The following SND1 variants were observed in gnomAD, a reference collection of about 807,000 sequenced individuals.
The protein encoded by SND1 is staphylococcal nuclease domain-containing protein 1.
Under a neutral mutation model 121.7 loss-of-function variants are expected in SND1, and 38 were observed. The observed-to-expected ratio is 0.31, with a 90% CI of 0.24 to 0.41. The LOEUF (loss-of-function observed/expected upper bound fraction) is 0.41, where lower values mean the gene tolerates loss of function less well. Ranked by LOEUF, SND1 falls within the 10% of genes least tolerant of loss-of-function variation. The pLI is 1.00. For missense variants in SND1, 868 were observed against 1,184.6 expected, an observed-to-expected ratio of 0.73 and a Z score of 3.92; for synonymous variants, 401 against 447.4, an observed-to-expected ratio of 0.90 and a Z score of 1.31.
chr7:127,956,029 G>A (rs1023418117), intron 15 of SND1, among the ~76,000 whole-genome samples: 2 of 152,152 alleles, frequency 1.3e-5, no homozygotes, highest in Admixed American at 1.3e-4. Context: ...AATGCCTGTT[G>A]CCTTCTCTCT....
intron 14 of SND1, among the ~76,000 whole-genome samples, chr7:127,917,630 C>T (rs755992318): frequency 1.3e-5 from 2 of 152,140 alleles, no homozygotes; most frequent in African/African-American, 2.4e-5. Context: ...GCTATGTTGC[C>T]AGAGCTGATT....
chr7:128,053,922 AT>A lies in SND1; in HGVS notation c.1780-20578del, dbSNP rs548424760. 3.3e-3 allele frequency among the ~76,000 whole-genome samples: 502 copies of A among 152,256 alleles called. 5 individuals carry two copies. The highest frequency in any genetic ancestry group is 0.012 in the African/African-American group (482 of 41,530). On this transcript the variant is annotated intron_variant, in intron 16 of 23. Transcript: ENST00000354725. Reference sequence around the variant, plus strand: ...TGTGGAGTGCAGCAGTCAAAGCTTTATTGCCCACACACTGGAGCCGCTCTGC... The same window carrying A: ...TGTGGAGTGCAGCAGTCAAAGCTTTATGCCCACACACTGGAGCCGCTCTGC...
intron 13 of SND1, 55 bp from the exon 14 acceptor site, chr7:127,904,692 A>T: frequency 8.2e-7 from 1 of 1,226,536 alleles, no homozygotes; most frequent in Non-Finnish European, 1.2e-6. Flanking sequence ...GCACCCTCCT[A>T]CCCCTTCCCA....
In SND1 at chr7:127,877,833, T is replaced by C. The variant is rs115419086; in HGVS notation, c.1344-10069T>C. 7.9e-3 allele frequency among the ~76,000 whole-genome samples: 1,209 copies of C among 152,214 alleles called. 18 individuals carry two copies. The highest frequency in any genetic ancestry group is 0.027 in the African/African-American group (1,128 of 41,558). On this transcript the variant is annotated intron_variant, in intron 12 of 23. Transcript: ENST00000354725. ...CTCAGTGAGATGTGGCCTCTGAAGC[T>C]GGAGAGGTGTTTGTCAGGGCTCAAA...
chr7:127,982,354 G>T (rs868004584), intron 15 of SND1, among the ~76,000 whole-genome samples: 1 of 152,170 alleles, frequency 6.6e-6, no homozygotes, highest in African/African-American at 2.4e-5. Flanking sequence ...AAAAATTGGA[G>T]CTGTGACTAA....
At chr7:127,901,467 A>G (rs1800229325) in intron 13 of SND1, among the ~76,000 whole-genome samples, 1 of 152,168 alleles carries the variant, frequency 6.6e-6, no homozygotes, top group Non-Finnish European at 1.5e-5. Flanking sequence ...CTCACTCAGC[A>G]TCGTTCCTGC....
intron 16 of SND1, among the ~76,000 whole-genome samples, chr7:128,049,542 C>T (rs998757997): frequency 6.6e-6 from 1 of 152,136 alleles, no homozygotes; most frequent in Admixed American, 6.5e-5. Flanking sequence ...CCCCAAGCAC[C>T]ACCTGTCATT....
chr7:127,864,902 T>A (rs1799441623), intron 12 of SND1, among the ~76,000 whole-genome samples: 1 of 152,164 alleles, frequency 6.6e-6, no homozygotes, highest in Non-Finnish European at 1.5e-5. Context: ...ACCAGATCCA[T>A]CACCAGGAGA....
At chr7:128,089,805 G>C (rs1793747512) in intron 22 of SND1, 113 bp downstream of exon 22, 1 of 972,532 alleles carries the variant, frequency 1.0e-6, no homozygotes. Context: ...TGTTCCTGCT[G>C]AGGAAAGATA....
intron 12 of SND1, chr7:127,857,758 G>T: frequency 1.6e-6 from 1 of 629,020 alleles, no homozygotes; most frequent in Non-Finnish European, 2.9e-6. Flanking sequence ...CTGAAAAATG[G>T]CCTCCAACTT....
intron 15 of SND1, among the ~76,000 whole-genome samples, chr7:127,962,004 A>G (rs1469075364): frequency 4.6e-5 from 7 of 152,204 alleles, no homozygotes; most frequent in Non-Finnish European, 1.0e-4. Context: ...TCCTAAGATC[A>G]TATTGCACAA....
chr7:127,849,905 C>T (rs866044052), intron 12 of SND1, among the ~76,000 whole-genome samples: 3 of 152,258 alleles, frequency 2.0e-5, no homozygotes, highest in Non-Finnish European at 2.9e-5. Context: ...TGTGGGGGCT[C>T]GGGACATCTT....
At chr7:127,937,187 G>C (rs1000622480) in intron 15 of SND1, among the ~76,000 whole-genome samples, 2 of 152,166 alleles carry the variant, frequency 1.3e-5, no homozygotes, top group Non-Finnish European at 2.9e-5. Context: ...TGTTAAAGGT[G>C]GTACCGCAGT....
At chr7:127,751,050 A>G (rs1342544155) in intron 10 of SND1, among the ~76,000 whole-genome samples, 1 of 152,144 alleles carries the variant, frequency 6.6e-6, no homozygotes, top group Non-Finnish European at 1.5e-5. Context: ...AAGAGGTAGA[A>G]TATACTTTAT....
At chr7:127,763,085 A>AC (rs1797334263) in intron 10 of SND1, among the ~76,000 whole-genome samples, 1 of 152,212 alleles carries the variant, frequency 6.6e-6, no homozygotes, top group Non-Finnish European at 1.5e-5. Flanking sequence ...GGGAATAGTG[A>AC]GCACATTCAG....
chr7:128,050,302 T>C lies in SND1; in HGVS notation c.1780-24200T>C, dbSNP rs554786600. 3.3e-5 allele frequency among the ~76,000 whole-genome samples: 5 copies of C among 152,332 alleles called. 1 individual carries two copies. The highest frequency in any genetic ancestry group is 6.5e-5 in the Admixed American group (1 of 15,306). On this transcript the variant is annotated intron_variant, in intron 16 of 23. Coordinates refer to ENST00000354725, the MANE Select transcript of SND1 (RefSeq NM_014390.4). ...CATGTTTATGTCATTTGCAGACAAATTGAGGCAGAAGGATCCAGCAGGTCC... is the reference window on the plus strand; with the variant it reads ...CATGTTTATGTCATTTGCAGACAAACTGAGGCAGAAGGATCCAGCAGGTCC...
intron 12 of SND1, among the ~76,000 whole-genome samples, chr7:127,863,868 C>CT (rs1799421852): frequency 1.3e-5 from 2 of 152,270 alleles, no homozygotes; most frequent in African/African-American, 2.4e-5. Flanking sequence ...CCCCATAAAA[C>CT]TTTAACTCCA....
intron 10 of SND1, among the ~76,000 whole-genome samples, chr7:127,734,712 G>A (rs897880922): frequency 1.6e-4 from 25 of 152,166 alleles, no homozygotes; most frequent in African/African-American, 5.5e-4. Flanking sequence ...GTTAGCGGAC[G>A]ATCTGTGTTA....
intron 10 of SND1, among the ~76,000 whole-genome samples, chr7:127,789,813 G>T (rs1175313323): frequency 6.6e-6 from 1 of 152,112 alleles, no homozygotes; most frequent in Non-Finnish European, 1.5e-5. Flanking sequence ...ACTTTTACTG[G>T]ATCAAAATTA....
Sources: allele counts gnomAD v4.1 joint callset (sites outside exome capture counted in the v4.1 genomes callset), GRCh38; gene constraint gnomAD v4.1.1; transcripts MANE v1.5; gene names NCBI Gene and HGNC (gene_info 2026-07-23, HGNC 2026-07-21).